The following FDX1 variants were observed in gnomAD, a reference collection of about 807,000 sequenced individuals.
FDX1 encodes ferredoxin 1, also known as adrenodoxin, mitochondrial.
FDX1 carries 9 observed loss-of-function variants against 14.9 expected under a neutral mutation model. That is an observed-to-expected ratio of 0.60 (90% CI 0.36 to 1.05). FDX1 has a LOEUF of 1.05. Ranked by LOEUF, FDX1 falls within the 50% of genes least tolerant of loss-of-function variation. The probability of loss-of-function intolerance (pLI) is 0.01; values close to 1 mark genes in which losing one functional copy is unlikely to be tolerated. For missense variants in FDX1, 204 were observed against 237.2 expected (o/e 0.86, Z 0.92); for synonymous variants, 92 against 99.4 (o/e 0.93, Z 0.44).
chr11:110,434,763 A>T, intron 1 of FDX1, among the ~76,000 whole-genome samples: 1 of 111,778 alleles, frequency 8.9e-6, no homozygotes, highest in African/African-American at 3.5e-5. Flanking sequence ...CAGGGCCTTG[A>T]GCTGTTGCCC....
At chr11:110,440,330 A>G (rs967705174) in intron 2 of FDX1, among the ~76,000 whole-genome samples, 20 of 151,896 alleles carry the variant, frequency 1.3e-4, no homozygotes, top group African/African-American at 4.3e-4. Context: ...TTGTTTTTCA[A>G]GTTCTTCTAG....
chr11:110,446,850 A>G (rs1480309100), intron 2 of FDX1, among the ~76,000 whole-genome samples: 1 of 152,192 alleles, frequency 6.6e-6, no homozygotes, highest in Non-Finnish European at 1.5e-5. Flanking sequence ...AATTTGTCCT[A>G]ACAGAAATCA....
intron 2 of FDX1, among the ~76,000 whole-genome samples, chr11:110,448,697 ATT>A (rs1946467967): frequency 6.6e-6 from 1 of 152,242 alleles, no homozygotes; most frequent in Non-Finnish European, 1.5e-5. Context: ...CAACCTTGAA[ATT>A]AGTAAGCATG....
chr11:110,455,513 A>G (rs1309549998), intron 2 of FDX1, among the ~76,000 whole-genome samples: 1 of 152,178 alleles, frequency 6.6e-6, no homozygotes, highest in African/African-American at 2.4e-5. Context: ...TTGAAATTGT[A>G]CAGTGGCTTT....
chr11:110,450,806 G>A (rs10891115), intron 2 of FDX1, among the ~76,000 whole-genome samples: 7 of 151,900 alleles, frequency 4.6e-5, no homozygotes, highest in Non-Finnish European at 1.0e-4. Flanking sequence ...GTATATCCAT[G>A]TATATATATA....
intron 2 of FDX1, among the ~76,000 whole-genome samples, chr11:110,449,414 C>T (rs1946472156): frequency 6.6e-6 from 1 of 152,106 alleles, no homozygotes; most frequent in Admixed American, 6.5e-5. Flanking sequence ...TTTTAATTGA[C>T]AGATCATAAT....
In FDX1 at chr11:110,464,112, C is replaced by G. The variant is rs1946577978; in HGVS notation, c.*1644C>G. ...ATTTTTTCTAGGGACAGGGTTTTACCACGTTGCCCAGGCTGGTCTTGAACT... is the reference window on the plus strand; with the variant it reads ...ATTTTTTCTAGGGACAGGGTTTTACGACGTTGCCCAGGCTGGTCTTGAACT... On this transcript the variant is annotated 3_prime_UTR_variant, in exon 4 of 4. Transcript: ENST00000260270. 6.6e-6 allele frequency: 1 copy of G among 151,980 alleles called. No homozygotes were observed. Among genetic ancestry groups the G allele is most frequent in the Non-Finnish European group, 1.5e-5 (1 of 68,000 alleles). The allele number at this position is 151,980 out of a possible 1,614,324, so 9.4% of individuals were successfully genotyped here. A position where few individuals can be genotyped will look rare whatever the true frequency, so the allele number is the denominator to read the frequency against.
chr11:110,437,186 G>A (rs921642258), intron 2 of FDX1, among the ~76,000 whole-genome samples: 2 of 152,130 alleles, frequency 1.3e-5, no homozygotes, highest in African/African-American at 4.8e-5. Context: ...TAGAGACAGT[G>A]TTTTGCCACA....
intron 2 of FDX1, among the ~76,000 whole-genome samples, chr11:110,439,457 T>A (rs1408542731): frequency 2.6e-5 from 4 of 152,150 alleles, no homozygotes. Context: ...TCTGCCCGAT[T>A]TGGCCTCCCA....
chr11:110,445,476 T>G (rs940353767), intron 2 of FDX1, among the ~76,000 whole-genome samples: 1 of 152,206 alleles, frequency 6.6e-6, no homozygotes, highest in Non-Finnish European at 1.5e-5. Context: ...AACTAGCATT[T>G]TAAAGAAATC....
chr11:110,454,004 G>A (rs1412139802), intron 2 of FDX1, among the ~76,000 whole-genome samples: 1 of 152,118 alleles, frequency 6.6e-6, no homozygotes, highest in Non-Finnish European at 1.5e-5. Flanking sequence ...GGCAGAAAAG[G>A]TTCGAAAAGG....
Position 110,462,621 on chromosome 11 carries a change from A to AT in FDX1, c.*155dup. 2.5e-6 allele frequency: 1 copy of AT among 405,144 alleles called. No homozygotes were observed. The highest frequency in any genetic ancestry group is 4.3e-6 in the Non-Finnish European group (1 of 230,260). 25.1% of individuals were successfully genotyped at this position (405,144 alleles called of 1,614,324 possible). ...CCTTGCATAACTACTGAATTTTGTC[A>AT]TTCTTGAAAGTATGCAATTTTTATT... is the stretch of plus-strand genomic sequence containing the variant. On this transcript the variant is annotated 3_prime_UTR_variant, in exon 4 of 4. Transcript: ENST00000260270.
At chr11:110,438,535 C>T (rs931576988) in intron 2 of FDX1, among the ~76,000 whole-genome samples, 2 of 152,148 alleles carry the variant, frequency 1.3e-5, no homozygotes, top group African/African-American at 2.4e-5. Flanking sequence ...AAGCGATTCT[C>T]CTGCCTCAGT....
chr11:110,433,747 A>G (rs1307320783), intron 1 of FDX1, among the ~76,000 whole-genome samples: 1 of 152,062 alleles, frequency 6.6e-6, no homozygotes, highest in Non-Finnish European at 1.5e-5. Flanking sequence ...ACACACACAC[A>G]CACCCTTTTG....
chr11:110,443,470 T>C (rs6589137), intron 2 of FDX1, among the ~76,000 whole-genome samples: 41,035 of 143,906 alleles, frequency 0.29, 6,160 homozygotes, highest in East Asian at 0.37. Context: ...GACGTAGTTT[T>C]GCTCTTTTTG....
chr11:110,435,787 A>G (rs1591246653), intron 1 of FDX1, 47 bp from the exon 2 acceptor site: 1 of 1,453,360 alleles, frequency 6.9e-7, no homozygotes, highest in Admixed American at 2.1e-5. Context: ...ATTTTAAATT[A>G]TGTTTTGAAA....
chr11:110,446,050 C>G (rs1309822740), intron 2 of FDX1, among the ~76,000 whole-genome samples: 1 of 152,102 alleles, frequency 6.6e-6, no homozygotes, highest in Non-Finnish European at 1.5e-5. Flanking sequence ...TATTCAGACT[C>G]AGAAGAAAAG....
At chr11:110,452,739 G>A (rs550880086) in intron 2 of FDX1, among the ~76,000 whole-genome samples, 13 of 152,194 alleles carry the variant, frequency 8.5e-5, no homozygotes, top group Admixed American at 5.9e-4. Context: ...ACAGTGGAAT[G>A]CTTCTTAGCA....
intron 2 of FDX1, among the ~76,000 whole-genome samples, chr11:110,448,743 TA>T (rs747133180): frequency 5.9e-5 from 9 of 152,242 alleles, no homozygotes; most frequent in Non-Finnish European, 1.3e-4. Flanking sequence ...TATATGCATA[TA>T]TTTGAAATTG....
Sources: allele counts gnomAD v4.1 joint callset (sites outside exome capture counted in the v4.1 genomes callset), GRCh38; gene constraint gnomAD v4.1.1; transcripts MANE v1.5; gene names NCBI Gene and HGNC (gene_info 2026-07-23, HGNC 2026-07-21).